ITGB8: variants seen among roughly 807,000 people sequenced by gnomAD.
ITGB8 encodes the protein integrin beta-8.
A neutral mutation model predicts 89.5 loss-of-function variants in ITGB8; 30 were observed. The observed-to-expected ratio is 0.34, with a 90% CI of 0.25 to 0.45. The LOEUF (loss-of-function observed/expected upper bound fraction) is 0.45. Among genes scored for constraint, ITGB8 ranks in the 20% least tolerant of loss-of-function variants. ITGB8 has a pLI of 1.00. For missense variants in ITGB8, 836 were observed against 933.3 expected (o/e 0.90, Z 1.36); for synonymous variants, 335 against 320.4 (o/e 1.05, Z -0.49).
At chr7:20,346,120 G>A (rs1371970430) in intron 1 of ITGB8, among the ~76,000 whole-genome samples, 1 of 152,136 alleles carries the variant, frequency 6.6e-6, no homozygotes. Flanking sequence ...AGGGAGAAGT[G>A]CCTGTGAGTA....
intron 1 of ITGB8, among the ~76,000 whole-genome samples, chr7:20,336,330 C>T (rs1784577071): frequency 6.6e-6 from 1 of 152,146 alleles, no homozygotes; most frequent in Admixed American, 6.5e-5. Flanking sequence ...AATACCATTT[C>T]CACATTGACA....
intron 1 of ITGB8, among the ~76,000 whole-genome samples, chr7:20,342,506 C>T (rs954558859): frequency 6.6e-6 from 1 of 152,166 alleles, no homozygotes; most frequent in African/African-American, 2.4e-5. Flanking sequence ...GAGTTGGTTA[C>T]ACAAGACCAG....
intron 1 of ITGB8, chr7:20,353,112 C>G (rs1785166181): frequency 6.6e-6 from 1 of 152,230 alleles, no homozygotes; most frequent in Non-Finnish European, 1.5e-5. Context: ...ACTTTAAGCT[C>G]TGACTCATGC....
At chr7:20,387,419 G>A (rs1786669998) in intron 6 of ITGB8, among the ~76,000 whole-genome samples, 1 of 152,160 alleles carries the variant, frequency 6.6e-6, no homozygotes, top group Admixed American at 6.5e-5. Flanking sequence ...AGATACTAGT[G>A]TTTATACCTG....
At chr7:20,336,514 A>G (rs1438380398) in intron 1 of ITGB8, among the ~76,000 whole-genome samples, 1 of 152,216 alleles carries the variant, frequency 6.6e-6, no homozygotes, top group Non-Finnish European at 1.5e-5. Context: ...TTTGAAACAA[A>G]TAAACAGGAG....
At chr7:20,333,042 G>A (rs1270480615) in intron 1 of ITGB8, among the ~76,000 whole-genome samples, 1 of 150,848 alleles carries the variant, frequency 6.6e-6, no homozygotes, top group African/African-American at 2.4e-5. Flanking sequence ...AGTTGTAATT[G>A]TTTTGTAGGT....
intron 9 of ITGB8, among the ~76,000 whole-genome samples, 197 bp from the exon 10 acceptor site, chr7:20,401,524 A>G (rs1303437721): frequency 2.0e-5 from 3 of 152,208 alleles, no homozygotes; most frequent in African/African-American, 7.2e-5. Flanking sequence ...TTAACCCTCA[A>G]GTTCATTCAT....
At chr7:20,392,189 T>G (rs1009783310) in intron 7 of ITGB8, among the ~76,000 whole-genome samples, 3 of 152,054 alleles carry the variant, frequency 2.0e-5, no homozygotes, top group Middle Eastern at 3.2e-3. Context: ...TCCTAGAAAC[T>G]CTCTTGTTCT....
intron 8 of ITGB8, among the ~76,000 whole-genome samples, chr7:20,396,174 C>T (rs1238119692): frequency 1.3e-5 from 2 of 152,134 alleles, no homozygotes; most frequent in Admixed American, 6.5e-5. Flanking sequence ...CGCGGTGGTT[C>T]ATGCCTGTAA....
At chr7:20,405,355 T>C (rs1787493756) in intron 11 of ITGB8, among the ~76,000 whole-genome samples, 1 of 150,318 alleles carries the variant, frequency 6.7e-6, no homozygotes, top group Admixed American at 6.6e-5. Context: ...AGTCTCGCTC[T>C]GTCACCCGGC....
intron 10 of ITGB8, among the ~76,000 whole-genome samples, chr7:20,403,018 G>A (rs1787376773): frequency 6.6e-6 from 1 of 152,078 alleles, no homozygotes; most frequent in Admixed American, 6.5e-5. Flanking sequence ...TTAAATTATT[G>A]ACGAATGGAA....
chr7:20,399,509 G>T (rs577130636), intron 9 of ITGB8, among the ~76,000 whole-genome samples: 1 of 150,308 alleles, frequency 6.7e-6, no homozygotes. Context: ...AAATTATCTA[G>T]AAGGAGGTAG....
intron 1 of ITGB8, among the ~76,000 whole-genome samples, chr7:20,346,401 CAG>C (rs1428361059): frequency 7.9e-5 from 12 of 152,138 alleles, no homozygotes; most frequent in Non-Finnish European, 1.6e-4. Context: ...GAGGGCTGTG[CAG>C]AGCCTTCTAG....
chr7:20,408,020 A>G (rs192375071), intron 12 of ITGB8, among the ~76,000 whole-genome samples: 87 of 152,298 alleles, frequency 5.7e-4, no homozygotes, highest in Admixed American at 1.4e-3. Context: ...CACCTCTATT[A>G]TCTATCCACT....
At chr7:20,390,116 A>G (rs748413536) in intron 6 of ITGB8, among the ~76,000 whole-genome samples, 4 of 152,142 alleles carry the variant, frequency 2.6e-5, no homozygotes, top group Non-Finnish European at 5.9e-5. Context: ...CAATACAGAA[A>G]TGTTTACCAA....
chr7:20,355,687 T>C (rs1201306293), intron 1 of ITGB8, among the ~76,000 whole-genome samples: 1 of 152,238 alleles, frequency 6.6e-6, no homozygotes, highest in East Asian at 1.9e-4. Flanking sequence ...TTCCATGGTC[T>C]GAATGCTTGT....
chr7:20,402,544 G>T (rs1787358314), intron 10 of ITGB8, among the ~76,000 whole-genome samples: 1 of 152,144 alleles, frequency 6.6e-6, no homozygotes, highest in South Asian at 2.1e-4. Flanking sequence ...GGATGATGGG[G>T]AGTGAGCTAT....
At position 20,390,991 on chromosome 7, in the gene ITGB8, A is replaced by G. The variant is rs149232796; in HGVS notation, c.961-412A>G. On this transcript the variant is annotated intron_variant, in intron 6 of 13. Coordinates refer to ENST00000222573, the MANE Select transcript of ITGB8 (RefSeq NM_002214.3). The stretch of plus-strand genomic sequence containing the variant: ...TATGTGTATATATATGTTTATAGGC[A>G]TATACATATACATGCATACATATTT... Among the ~76,000 whole-genome samples, 21 of 152,218 alleles carry G rather than the reference A, an allele frequency of 1.4e-4. No homozygotes were observed. In the East Asian group the frequency reaches 2.7e-3, roughly 20 times the overall value.
At chr7:20,366,987 CA>C (rs1484902991) in intron 2 of ITGB8, 24 bp from the exon 3 acceptor site, 11 of 1,556,784 alleles carry the variant, frequency 7.1e-6, no homozygotes, top group Non-Finnish European at 9.6e-6. Flanking sequence ...CTAAAAACAT[CA>C]GTGATTTTCT....
Sources: gnomAD v4.1 joint callset for allele counts (sites outside exome capture counted in the v4.1 genomes callset) on GRCh38, gnomAD v4.1.1 for gene constraint, MANE v1.5 for transcripts, NCBI Gene and HGNC (gene_info 2026-07-23, HGNC 2026-07-21) for gene names.